ST3GAL3: variants seen among roughly 807,000 people sequenced by gnomAD.
ST3GAL3 encodes the protein ST3 beta-galactoside alpha-2,3-sialyltransferase 3, also known as CMP-N-acetylneuraminate-beta-1,4-galactoside alpha-2,3-sialyltransferase.
ST3GAL3 carries 21 observed loss-of-function variants against 50.1 expected under a neutral mutation model. The observed-to-expected ratio is 0.42, with a 90% CI of 0.30 to 0.60. The LOEUF (loss-of-function observed/expected upper bound fraction) is 0.60. Ranked by LOEUF, ST3GAL3 falls within the 20% of genes least tolerant of loss-of-function variation. The probability of loss-of-function intolerance (pLI) is 0.19; values close to 1 mark genes in which losing one functional copy is unlikely to be tolerated. For missense variants in ST3GAL3, 353 were observed against 489.4 expected (o/e 0.72, Z 2.63); for synonymous variants, 183 against 190.0 (o/e 0.96, Z 0.30).
intron 4 of ST3GAL3, among the ~76,000 whole-genome samples, chr1:43,833,207 C>A (rs2063780686): frequency 6.6e-6 from 1 of 152,174 alleles, no homozygotes; most frequent in Non-Finnish European, 1.5e-5. Context: ...CCCTGGCCAT[C>A]ACCCCACTTC....
chr1:43,886,103 G>A (rs762464257), intron 5 of ST3GAL3, among the ~76,000 whole-genome samples: 2 of 152,194 alleles, frequency 1.3e-5, no homozygotes, highest in African/African-American at 2.4e-5. Context: ...AATGTTGGCC[G>A]GGTGCAGTGG....
At chr1:43,786,367 C>T (rs2057338709) in intron 2 of ST3GAL3, among the ~76,000 whole-genome samples, 1 of 152,226 alleles carries the variant, frequency 6.6e-6, no homozygotes, top group Non-Finnish European at 1.5e-5. Flanking sequence ...TTTCCCACCT[C>T]CTGCTTTCTG....
chr1:43,754,786 C>T (rs553087419), intron 2 of ST3GAL3, among the ~76,000 whole-genome samples: 20 of 152,192 alleles, frequency 1.3e-4, no homozygotes, highest in South Asian at 1.2e-3. Context: ...CCCACCTCTA[C>T]ACAAAATTAC....
intron 4 of ST3GAL3, among the ~76,000 whole-genome samples, chr1:43,823,762 T>C (rs544810005): frequency 2.6e-5 from 4 of 152,382 alleles, no homozygotes; most frequent in Admixed American, 1.3e-4. Flanking sequence ...AATAAATATT[T>C]GTTGCATGGA....
At chr1:43,785,888 C>T (rs1472448298) in intron 2 of ST3GAL3, among the ~76,000 whole-genome samples, 1 of 152,124 alleles carries the variant, frequency 6.6e-6, no homozygotes, top group African/African-American at 2.4e-5. Flanking sequence ...GGTTAGGATG[C>T]AGCCTACTTT....
chr1:43,786,664 G>A (rs2057377405), intron 2 of ST3GAL3, among the ~76,000 whole-genome samples: 1 of 151,998 alleles, frequency 6.6e-6, no homozygotes, highest in Non-Finnish European at 1.5e-5. Context: ...TGGTTGTTTT[G>A]TATCTCCCTG....
intron 2 of ST3GAL3, among the ~76,000 whole-genome samples, chr1:43,764,748 T>TGCCCCAGGAAGGGGCATGGCCGTGGGCC (rs1691915816): frequency 6.6e-6 from 1 of 152,236 alleles, no homozygotes. Flanking sequence ...GGACGAGGGC[T>TGCCCCAGGAAGGGGCATGGCCGTGGGCC]GCCCCAGGAA....
At chr1:43,921,925 C>G (rs182465693) in intron 11 of ST3GAL3, 2 of 397,076 alleles carry the variant, frequency 5.0e-6, no homozygotes, top group African/African-American at 4.1e-5. Context: ...ACAACGTCAT[C>G]TTTCCTGATC....
At chr1:43,723,224 T>G (rs760373209) in intron 1 of ST3GAL3, among the ~76,000 whole-genome samples, 1 of 151,900 alleles carries the variant, frequency 6.6e-6, no homozygotes, top group African/African-American at 2.4e-5. Context: ...TTCTTCTGCC[T>G]CAGCCTCCTG....
intron 2 of ST3GAL3, 64 bp downstream of exon 2, chr1:43,736,444 G>T (rs145881333): frequency 6.8e-6 from 11 of 1,613,782 alleles, no homozygotes; most frequent in South Asian, 1.1e-5. Context: ...CTGGTTTTTC[G>T]TGTGGCTGCG....
chr1:43,824,863 C>G (rs1377863172), intron 4 of ST3GAL3: 1 of 908,870 alleles, frequency 1.1e-6, no homozygotes, highest in Admixed American at 1.9e-5. Flanking sequence ...AGGACACAGC[C>G]TTTGCATTAG....
At position 43,930,171 on chromosome 1, in the gene ST3GAL3, C is replaced by T. The variant is rs546025340; in HGVS notation, c.1078C>T (p.Arg360Trp). The change falls in exon 12 of 12, where the codon CGG becomes TGG. Residue 360 changes from arginine (R) to tryptophan (W), a missense_variant. Arg to Trp is a moderately radical substitution (Grantham distance 101). Coordinates refer to ENST00000347631, the MANE Select transcript of ST3GAL3 (RefSeq NM_006279.5). ...TATCCAGCGAGAGAAAGAGTTTCTG[C>T]GGAAGCTGGTGAAAGCTCGCGTCAT... ...HNIQREKEFL[R>W]KLVKARVITD... is the part of the protein sequence containing the mutation. The T allele has an allele frequency of 6.2e-6, 10 of 1,614,094 alleles. No individual in the cohort carries two copies. The highest frequency in any genetic ancestry group is 1.7e-4 in the Middle Eastern group (1 of 6,026).
At chr1:43,866,045 G>C (rs949013314) in intron 5 of ST3GAL3, among the ~76,000 whole-genome samples, 1 of 152,140 alleles carries the variant, frequency 6.6e-6, no homozygotes, top group African/African-American at 2.4e-5. Flanking sequence ...CAGGGCTCCT[G>C]ACCTCCTCTG....
intron 4 of ST3GAL3, among the ~76,000 whole-genome samples, chr1:43,817,548 T>TC (rs1558436212): frequency 3.2e-5 from 4 of 126,102 alleles, no homozygotes; most frequent in Non-Finnish European, 5.1e-5. Flanking sequence ...TTCTCCTTCT[T>TC]CTTCTTCTCC....
chr1:43,908,137 G>C (rs1169551123), intron 9 of ST3GAL3, among the ~76,000 whole-genome samples: 1 of 152,214 alleles, frequency 6.6e-6, no homozygotes, highest in Admixed American at 6.5e-5. Context: ...GAAGCATCCT[G>C]ATTCCACCAT....
intron 1 of ST3GAL3, among the ~76,000 whole-genome samples, chr1:43,732,347 C>T (rs1467181976): frequency 6.6e-6 from 1 of 152,188 alleles, no homozygotes; most frequent in African/African-American, 2.4e-5. Context: ...ATGTTTTATC[C>T]CCCACTGTCC....
At chr1:43,757,826 C>G (rs1198238886) in intron 2 of ST3GAL3, among the ~76,000 whole-genome samples, 6 of 152,012 alleles carry the variant, frequency 3.9e-5, no homozygotes, top group Non-Finnish European at 8.8e-5. Flanking sequence ...AACACTGTTA[C>G]AAATATTTAA....
At chr1:43,776,119 C>T (rs1490116330) in intron 2 of ST3GAL3, among the ~76,000 whole-genome samples, 3 of 152,054 alleles carry the variant, frequency 2.0e-5, no homozygotes, top group African/African-American at 2.4e-5. Flanking sequence ...GCCGTGCTAA[C>T]AGCACCACAA....
intron 5 of ST3GAL3, among the ~76,000 whole-genome samples, chr1:43,854,364 T>G (rs535431296): frequency 6.6e-6 from 1 of 152,326 alleles, no homozygotes; most frequent in Non-Finnish European, 1.5e-5. Flanking sequence ...TCTCTTTTCA[T>G]GATGTCTCTG....
Sources: gnomAD v4.1 joint callset for allele counts (sites outside exome capture counted in the v4.1 genomes callset) on GRCh38, gnomAD v4.1.1 for gene constraint, MANE v1.5 for transcripts, NCBI Gene and HGNC (gene_info 2026-07-23, HGNC 2026-07-21) for gene names.